Variants in ARHGAP32 observed in about 807,000 individuals in gnomAD.
ARHGAP32 encodes Rho GTPase activating protein 32, also known as rho GTPase-activating protein 32.
Under a neutral mutation model 186.5 loss-of-function variants are expected in ARHGAP32, and 51 were observed. The observed-to-expected ratio is 0.27, with a 90% confidence interval of 0.22 to 0.35. The LOEUF (loss-of-function observed/expected upper bound fraction) is 0.35. ARHGAP32 is among the 10% of genes least tolerant of loss of function. The pLI, the probability that ARHGAP32 is intolerant of heterozygous loss-of-function variation, is 1.00. For synonymous variants in ARHGAP32, 950 were observed against 964.3 expected (o/e 0.99, Z 0.27); for missense variants, 2,186 against 2,623.5 (o/e 0.83, Z 3.64).
chr11:128,976,520 G>T, intron 20 of ARHGAP32, 43 bp downstream of exon 20: 1 of 1,479,198 alleles, frequency 6.8e-7, no homozygotes, highest in Non-Finnish European at 9.4e-7. Flanking sequence ...ATTCCTTTAT[G>T]CAATATATTA....
At chr11:129,179,576 A>C (rs1944003187) in intron 1 of ARHGAP32, among the ~76,000 whole-genome samples, 2 of 151,650 alleles carry the variant, frequency 1.3e-5, no homozygotes, top group African/African-American at 4.8e-5. Context: ...TGGATTAAGA[A>C]AATGTGGCAC....
intron 1 of ARHGAP32, among the ~76,000 whole-genome samples, chr11:129,185,826 AAGAG>A (rs1156740500): frequency 6.6e-6 from 1 of 152,044 alleles, no homozygotes; most frequent in Non-Finnish European, 1.5e-5. Context: ...CATACACAGA[AAGAG>A]AGAGAGAAAA....
At chr11:129,117,249 T>G (rs1244194957) in intron 5 of ARHGAP32, among the ~76,000 whole-genome samples, 4 of 152,000 alleles carry the variant, frequency 2.6e-5, no homozygotes, top group African/African-American at 4.8e-5. Context: ...AGAACTTGAG[T>G]AAGTTCTTAA....
chr11:129,066,517 T>A (rs1940694249), intron 7 of ARHGAP32, among the ~76,000 whole-genome samples: 1 of 152,078 alleles, frequency 6.6e-6, no homozygotes, highest in African/African-American at 2.4e-5. Flanking sequence ...GATATATTGT[T>A]ATGAGTTGTT....
chr11:129,127,782 T>TG (rs2135393114), intron 2 of ARHGAP32, among the ~76,000 whole-genome samples: 1 of 72,530 alleles, frequency 1.4e-5, no homozygotes, highest in Admixed American at 1.1e-4. Flanking sequence ...CAAGTTTTCC[T>TG]ATTTTCATGT....
intron 1 of ARHGAP32, among the ~76,000 whole-genome samples, chr11:129,167,950 A>T (rs977503289): frequency 6.6e-6 from 1 of 152,240 alleles, no homozygotes; most frequent in African/African-American, 2.4e-5. Flanking sequence ...GCAGGGATTT[A>T]AAAACCAACA....
intron 11 of ARHGAP32, among the ~76,000 whole-genome samples, chr11:129,026,280 T>C (rs1294134357): frequency 6.6e-6 from 1 of 152,188 alleles, no homozygotes; most frequent in Non-Finnish European, 1.5e-5. Flanking sequence ...TGAGATCAAT[T>C]ATTTCAAAAT....
At chr11:129,234,793 G>C (rs187692912) in intron 1 of ARHGAP32, among the ~76,000 whole-genome samples, 9 of 152,140 alleles carry the variant, frequency 5.9e-5, no homozygotes, top group Non-Finnish European at 8.8e-5. Flanking sequence ...GGACAACTAG[G>C]TTTTTAGCAA....
intron 2 of ARHGAP32, among the ~76,000 whole-genome samples, chr11:129,139,981 G>C (rs1215447569): frequency 6.6e-6 from 1 of 152,150 alleles, no homozygotes; most frequent in Non-Finnish European, 1.5e-5. Context: ...GCTGAGAATA[G>C]AGGGTGCAAA....
rs768820252 is a variant in ARHGAP32, at chr11:129,170,945, TG to T, written c.117-6519del. Among the ~76,000 whole-genome samples the T allele has an allele frequency of 4.6e-5, 7 of 152,392 alleles. No homozygotes were observed. In the East Asian group the frequency reaches 9.6e-4, roughly 21 times the overall value. ...GTTATGTTGAGCTTCTTTTCATGTT[TG>T]TTGGCCACAGAAATGTCTTCCTTTG... is the stretch of plus-strand genomic sequence containing the variant. On this transcript the variant is annotated intron_variant, in intron 1 of 22. Coordinates refer to ENST00000682385, the MANE Select transcript of ARHGAP32 (RefSeq NM_001378024.1).
intron 19 of ARHGAP32, among the ~76,000 whole-genome samples, chr11:128,977,736 G>C (rs1027056202): frequency 6.6e-6 from 1 of 151,864 alleles, no homozygotes; most frequent in Admixed American, 6.6e-5. Flanking sequence ...GAGTGCAGTG[G>C]CACAACCATA....
intron 11 of ARHGAP32, among the ~76,000 whole-genome samples, chr11:129,003,029 C>G (rs1002513998): frequency 6.6e-6 from 1 of 152,148 alleles, no homozygotes; most frequent in Admixed American, 6.5e-5. Context: ...ATCTCCTGAC[C>G]TCGTGATCTG....
chr11:129,235,489 C>G (rs1049223021), intron 1 of ARHGAP32, among the ~76,000 whole-genome samples: 4 of 152,112 alleles, frequency 2.6e-5, no homozygotes, highest in African/African-American at 9.7e-5. Context: ...ATTATCTGCT[C>G]AAATACAAGA....
chr11:129,226,867 A>C (rs1944791078), intron 1 of ARHGAP32, among the ~76,000 whole-genome samples: 1 of 152,094 alleles, frequency 6.6e-6, no homozygotes, highest in Non-Finnish European at 1.5e-5. Flanking sequence ...AGAAATAATA[A>C]AGGGAGTCCT....
Position 128,998,301 on chromosome 11 carries a change from TG to T in ARHGAP32, c.1195+17del. ...AGGTCAGAAACTCAGAGTATAAGCT[TG>T]CACATTTTATTTTTACCTTCAAAAC... is the stretch of plus-strand genomic sequence containing the variant. On this transcript the variant is annotated intron_variant, in intron 12 of 22. Coordinates refer to ENST00000682385, the MANE Select transcript of ARHGAP32 (RefSeq NM_001378024.1). The T allele has an allele frequency of 6.4e-7, 1 of 1,552,502 alleles. No homozygotes were observed. Among genetic ancestry groups the T allele is most frequent in the South Asian group, 1.3e-5 (1 of 78,138 alleles).
rs1020380809 is a variant in ARHGAP32, at chr11:129,177,065, G to A, written c.117-12638C>T. On this transcript the variant is annotated intron_variant, in intron 1 of 22. Transcript: ENST00000682385. ...CAAGACTAATAAAGAAAAAAAGAGAGAAGAATCAAATAGACGCAATAAAAA... is the reference window on the plus strand; with the variant it reads ...CAAGACTAATAAAGAAAAAAAGAGAAAAGAATCAAATAGACGCAATAAAAA... Among the ~76,000 whole-genome samples, 41 of 150,570 alleles carry A rather than the reference G, an allele frequency of 2.7e-4. No homozygotes were observed. The Admixed American group carries it at 2.7e-3, about 10-fold the overall frequency.
intron 10 of ARHGAP32, among the ~76,000 whole-genome samples, chr11:129,050,031 A>G (rs913241209): frequency 2.0e-5 from 3 of 152,228 alleles, no homozygotes; most frequent in Non-Finnish European, 2.9e-5. Flanking sequence ...TTCATTAGAC[A>G]GTATGTCATT....
At chr11:129,025,855 A>G (rs1938818165) in intron 11 of ARHGAP32, among the ~76,000 whole-genome samples, 1 of 148,712 alleles carries the variant, frequency 6.7e-6, no homozygotes, top group Admixed American at 6.7e-5. Flanking sequence ...CATATTATAT[A>G]TAACATATTA....
chr11:129,070,862 AT>A (rs1186374981), intron 6 of ARHGAP32, among the ~76,000 whole-genome samples: 1 of 151,902 alleles, frequency 6.6e-6, no homozygotes, highest in Non-Finnish European at 1.5e-5. Flanking sequence ...ATCTTCTTTC[AT>A]TTGCCTTTTA....
Sources: gnomAD v4.1 joint callset for allele counts (sites outside exome capture counted in the v4.1 genomes callset) on GRCh38, gnomAD v4.1.1 for gene constraint, MANE v1.5 for transcripts, NCBI Gene and HGNC (gene_info 2026-07-23, HGNC 2026-07-21) for gene names.